Variants in PGAP6 observed in about 807,000 individuals in gnomAD.
PGAP6 encodes the protein post-GPI attachment to proteins 6, also known as post-GPI attachment to proteins factor 6.
In PGAP6, 62 loss-of-function variants were observed where a neutral mutation model predicts 68.4. The ratio of observed to expected loss-of-function variants is 0.91; its 90% confidence interval spans 0.74 to 1.12. The LOEUF is 1.12. Among genes scored for constraint, PGAP6 ranks in the 50% most tolerant of loss-of-function variants. PGAP6 has a pLI of 0.00. For missense variants in PGAP6, 1,188 were observed against 1,068.5 expected, an observed-to-expected ratio of 1.11 and a Z score of -1.56; for synonymous variants, 575 against 474.0, an observed-to-expected ratio of 1.21 and a Z score of -2.77.
rs778313433 is a variant in PGAP6 at position 376,137 on chromosome 16, T to G, written c.1223A>C (p.Lys408Thr). The G allele has an allele frequency of 1.1e-5, 18 of 1,599,928 alleles. No homozygotes were observed. The highest frequency in any genetic ancestry group is 1.3e-5 in the Non-Finnish European group (15 of 1,171,364). Residue 408 changes from lysine to threonine, a missense_variant and splice_region_variant, in exon 6 of 13, where the codon AAG becomes ACG. Physicochemically the swap from Lys to Thr is moderately conservative, Grantham distance 78. Transcript: ENST00000431232. ...AGGCCGCTTGCAGACAGCAGGTACC[T>G]TGTTGGCCCGCAGGGAGATGGTGAG... Reference protein sequence around the residue: ...GSLTISLRANKTEMRNETVVV... With the variant: ...GSLTISLRANTTEMRNETVVV...
chr16:375,515 CCTGGTG>C, intron 6 of PGAP6, 80 bp from the exon 7 acceptor site: 2 of 1,237,198 alleles, frequency 1.6e-6, no homozygotes, highest in Non-Finnish European at 2.3e-6. Flanking sequence ...GCCAGCTCAG[CCTGGTG>C]CTGGTGCCTT....
In PGAP6 at chr16:376,524, C is replaced by G. The variant is rs2054385395; in HGVS notation, c.904+20G>C. ...TCTGGGGAGGGGCAGGGCCATCCCTCCAGCCCTTGTGCGGCCCACCTGTGA... is the reference window on the plus strand; with the variant it reads ...TCTGGGGAGGGGCAGGGCCATCCCTGCAGCCCTTGTGCGGCCCACCTGTGA... On this transcript the variant is annotated intron_variant, in intron 5 of 12. Coordinates refer to ENST00000431232, the MANE Select transcript of PGAP6 (RefSeq NM_021259.3). 1 of 1,545,616 alleles carries G rather than the reference C, an allele frequency of 6.5e-7. No individual in the cohort carries two copies. Among genetic ancestry groups the G allele is most frequent in the African/African-American group, 1.4e-5 (1 of 73,324 alleles).
Position 372,214 on chromosome 16 carries a change from G to A in PGAP6, c.2089C>T (p.Pro697Ser). The A allele has an allele frequency of 1.2e-6, 2 of 1,612,582 alleles. No homozygotes were observed. The highest frequency in any genetic ancestry group is 1.7e-6 in the Non-Finnish European group (2 of 1,179,928). Residue 697 changes from proline (P) to serine (S), a missense_variant, in exon 13 of 13, where the codon CCC becomes TCC. Physicochemically the swap from Pro to Ser is moderately conservative, Grantham distance 74. Coordinates refer to ENST00000431232, the MANE Select transcript of PGAP6 (RefSeq NM_021259.3). ...CCCACAGAGGCCATAGAGACGCCGG[G>A]CAGGAGGTAGAAGGCCCAGCGCTGC... is the stretch of plus-strand genomic sequence containing the variant. ...SWQRWAFYLL[P>S]GVSMASVGIA...
In PGAP6 at chr16:371,874, G is replaced by C; in HGVS notation, c.*113C>G. 1 of 1,246,366 alleles carries C rather than the reference G, an allele frequency of 8.0e-7. No homozygotes were observed. The highest frequency in any genetic ancestry group is 1.1e-6 in the Non-Finnish European group (1 of 899,796). 77.2% of individuals were successfully genotyped at this position (1,246,366 alleles called of 1,614,324 possible). A position where few individuals can be genotyped will look rare whatever the true frequency, so the allele number is the denominator to read the frequency against. On this transcript the variant is annotated 3_prime_UTR_variant, in exon 13 of 13. Transcript: ENST00000431232. The stretch of plus-strand genomic sequence containing the variant: ...TAGGAGGAAGTAAGAGGGTATCTAG[G>C]CCAATTTATTCAGCTGGAAATCAAT...
At chr16:378,422 ACACTGCCATCCCCACCCG>A (rs2054410485) in intron 1 of PGAP6, among the ~76,000 whole-genome samples, 1 of 1,612 alleles carries the variant, frequency 6.2e-4, no homozygotes, top group Non-Finnish European at 1.7e-3. Flanking sequence ...ATCGCCACCC[ACACTGCCATCCCCACCCG>A]CACTGCCATC....
At chr16:375,016 G>A in intron 8 of PGAP6, 117 bp downstream of exon 8, 5 of 1,574,354 alleles carry the variant, frequency 3.2e-6, no homozygotes, top group Non-Finnish European at 4.3e-6. Context: ...CAGCAGCCCT[G>A]GAGGAAGCAC....
chr16:372,241 A>C lies in PGAP6; in HGVS notation c.2062T>G (p.Trp688Gly). 1.9e-6 allele frequency: 3 copies of C among 1,612,174 alleles called. No homozygotes were observed. ...AGGAGGTAGAAGGCCCAGCGCTGCC[A>C]CGAGGTGGGGTAGCACTGGCGCCGG... is the stretch of plus-strand genomic sequence containing the variant. ...GHRRQCYPTS[W>G]QRWAFYLLPG... The change falls in exon 13 of 13, where the codon TGG (tryptophan) becomes GGG (glycine). Residue 688 changes from tryptophan to glycine, a missense_variant. Coordinates refer to ENST00000431232, the MANE Select transcript of PGAP6 (RefSeq NM_021259.3).
upstream of PGAP6, among the ~76,000 whole-genome samples, chr16:386,225 CA>C (rs1232879453): frequency 1.3e-5 from 2 of 150,272 alleles, no homozygotes; most frequent in Non-Finnish European, 3.0e-5. Context: ...ATAAAAATAT[CA>C]AAAGTTAAAT....
chr16:377,730 G>A lies in PGAP6; in HGVS notation c.240C>T (p.Arg80=), dbSNP rs776151480. 1 of 1,597,338 alleles carries A rather than the reference G, an allele frequency of 6.3e-7. No individual in the cohort carries two copies. Among genetic ancestry groups the A allele is most frequent in the Non-Finnish European group, 8.5e-7 (1 of 1,172,662 alleles). ...TCTCCCGGGAGACCTGCAGGAGCCA[G>A]CGTAGAAGCACAGCATCTGGGGGCA... ...FRVPPDAVLL[R]WLLQVSRESG... is the part of the protein sequence containing the mutation. The change falls in exon 2 of 13, where the codon CGC becomes CGT. Residue 80 remains arginine, a synonymous_variant. Transcript: ENST00000431232.
At chr16:373,946 G>C (rs1292367193) in intron 11 of PGAP6, 59 bp downstream of exon 11, 3 of 1,523,736 alleles carry the variant, frequency 2.0e-6, no homozygotes, top group Non-Finnish European at 2.6e-6. Flanking sequence ...GCCTTTCGCA[G>C]GCTGCACTTG....
chr16:374,543 G>A lies in PGAP6; in HGVS notation c.1577-144C>T, dbSNP rs2141757931. ...CGGCGGGCGGGGTCCAAGGTCAGGA[G>A]GCAGTACCACCCCCCGGGGATACCT... On this transcript the variant is annotated intron_variant, in intron 9 of 12. Coordinates refer to ENST00000431232, the MANE Select transcript of PGAP6 (RefSeq NM_021259.3). 4.4e-6 allele frequency: 5 copies of A among 1,127,142 alleles called. No homozygotes were observed. In the East Asian group the frequency reaches 1.3e-4, roughly 29 times the overall value. The allele number at this position is 1,127,142 out of a possible 1,614,324, so 69.8% of individuals were successfully genotyped here.
upstream of PGAP6, among the ~76,000 whole-genome samples, chr16:382,921 TA>T (rs1397495311): frequency 1.4e-5 from 2 of 144,130 alleles, no homozygotes; most frequent in African/African-American, 5.8e-5. Flanking sequence ...AACGCTCCCC[TA>T]GAAAATACTG....
At chr16:372,580 G>A (rs1475959651) in intron 12 of PGAP6, 31 bp downstream of exon 12, 2 of 1,537,652 alleles carry the variant, frequency 1.3e-6, no homozygotes, top group East Asian at 2.2e-5. Context: ...CGAGCACCTG[G>A]GCAGCAGTGC....
rs113865847 is a variant in PGAP6 at position 372,158 on chromosome 16, G to T, written c.2145C>A (p.Ser715Arg). 6.2e-7 allele frequency: 1 copy of T among 1,612,868 alleles called. No homozygotes were observed. Among genetic ancestry groups the T allele is most frequent in the Admixed American group, 1.7e-5 (1 of 60,020 alleles). The change falls in exon 13 of 13, where the codon AGC (serine) becomes AGA (arginine). Residue 715 changes from serine (S) to arginine (R), a missense_variant. Physicochemically the swap from Ser to Arg is moderately radical, Grantham distance 110. Coordinates refer to ENST00000431232, the MANE Select transcript of PGAP6 (RefSeq NM_021259.3). Reference protein sequence around the residue: ...GIAIYTSMMTSDNYYYTHSIW... With the variant: ...GIAIYTSMMTRDNYYYTHSIW... Reference sequence around the variant, plus strand: ...TGCTGTGGGTGTAGTAGTAGTTGTCGCTAGTCATCATGGAGGTGTAGATGG... The same window carrying T: ...TGCTGTGGGTGTAGTAGTAGTTGTCTCTAGTCATCATGGAGGTGTAGATGG...
rs1485838519 is a variant in PGAP6, at chr16:381,760, A to G, written c.62T>C (p.Leu21Pro). ...EAVAAVVAGPLLLLLLARPPP... is the reference protein window; with the variant it reads ...EAVAAVVAGPPLLLLLARPPP... ...GGGCCGGGCAAGCAGCAGCAGCAGC[A>G]GCGGCCCCGCCACCACCGCGGCCAC... The change falls in exon 1 of 13, where the codon CTG becomes CCG. Residue 21 changes from leucine (L) to proline (P), a missense_variant. Coordinates refer to ENST00000431232, the MANE Select transcript of PGAP6 (RefSeq NM_021259.3). 178 of 1,200,726 alleles carry G rather than the reference A, an allele frequency of 1.5e-4. No homozygotes were observed. Among genetic ancestry groups the G allele is most frequent in the Non-Finnish European group, 1.7e-4 (166 of 966,606 alleles). 74.4% of individuals were successfully genotyped at this position (1,200,726 alleles called of 1,614,324 possible).
upstream of PGAP6, chr16:386,761 A>G: frequency 1.9e-6 from 1 of 539,334 alleles, no homozygotes; most frequent in Non-Finnish European, 3.4e-6. Flanking sequence ...CCTTTTCACA[A>G]GATGGCGCTG....
At chr16:379,585 G>A (rs1344328638) in intron 1 of PGAP6, among the ~76,000 whole-genome samples, 1 of 152,242 alleles carries the variant, frequency 6.6e-6, no homozygotes, top group Non-Finnish European at 1.5e-5. Flanking sequence ...GGCAGGCAGG[G>A]GAGGCCACCT....
At chr16:382,531 G>C, upstream of PGAP6, 2 of 342,960 alleles carry the variant, frequency 5.8e-6, no homozygotes, top group Non-Finnish European at 1.1e-5. Context: ...CTTGTGTTTA[G>C]GGACTGTAGT....
intron 6 of PGAP6, among the ~76,000 whole-genome samples, chr16:375,922 T>C (rs1181998876): frequency 6.6e-6 from 1 of 152,038 alleles, no homozygotes; most frequent in East Asian, 1.9e-4. Flanking sequence ...CCACCCCACC[T>C]CTGACCCGAG....
Sources: allele counts gnomAD v4.1 joint callset (sites outside exome capture counted in the v4.1 genomes callset), GRCh38; gene constraint gnomAD v4.1.1; transcripts MANE v1.5; gene names NCBI Gene and HGNC (gene_info 2026-07-23, HGNC 2026-07-21).